The following NNT variants were observed in gnomAD, a reference collection of about 807,000 sequenced individuals.
NNT encodes the protein NAD(P) transhydrogenase, mitochondrial.
NNT carries 50 observed loss-of-function variants against 104.8 expected under a neutral mutation model. The observed-to-expected ratio is 0.48, with a 90% CI of 0.38 to 0.60. The LOEUF (loss-of-function observed/expected upper bound fraction) is 0.60, where lower values mean the gene tolerates loss of function less well. NNT is among the 20% of genes least tolerant of loss of function. NNT has a pLI of 0.00. For missense variants in NNT, 1,131 were observed against 1,330.7 expected (o/e 0.85, Z 2.33); for synonymous variants, 461 against 490.4 (o/e 0.94, Z 0.79).
intron 14 of NNT, among the ~76,000 whole-genome samples, chr5:43,654,523 G>T (rs538121562): frequency 3.3e-5 from 5 of 152,136 alleles, no homozygotes; most frequent in Non-Finnish European, 7.4e-5. Context: ...TTTTACTTTC[G>T]TCTTACTTAT....
chr5:43,618,382 A>C (rs1749894417), intron 4 of NNT, among the ~76,000 whole-genome samples: 1 of 152,230 alleles, frequency 6.6e-6, no homozygotes, highest in Non-Finnish European at 1.5e-5. Context: ...AACTAAGGTC[A>C]GTATATCGGA....
intron 14 of NNT, among the ~76,000 whole-genome samples, 194 bp from the exon 15 acceptor site, chr5:43,655,646 A>T (rs1212475459): frequency 6.6e-6 from 1 of 152,214 alleles, no homozygotes; most frequent in Non-Finnish European, 1.5e-5. Flanking sequence ...AGCATATCAG[A>T]TAAGGGATAC....
rs781575858 is a variant in NNT at position 43,653,023 on chromosome 5, G to A, written c.1869G>A (p.Met623Ile). The change falls in exon 14 of 22, where the codon ATG becomes ATA. Residue 623 changes from methionine to isoleucine, a missense_variant. Coordinates refer to ENST00000344920, the MANE Select transcript of NNT (RefSeq NM_182977.3). ...CTCACTTTTCCTTTGAAAAGATCATGTACCTAGGCTCGGGTTTGTGCTGTG... is the reference window on the plus strand; with the variant it reads ...CTCACTTTTCCTTTGAAAAGATCATATACCTAGGCTCGGGTTTGTGCTGTG... ...LYSGYNIEQI[M>I]YLGSGLCCVG... The A allele has an allele frequency of 6.2e-7, 1 of 1,610,848 alleles. No individual in the cohort carries two copies. Among genetic ancestry groups the A allele is most frequent in the East Asian group, 2.2e-5 (1 of 44,840 alleles).
In NNT at chr5:43,609,202, A is replaced by C. The variant is rs1749374098; in HGVS notation, c.7A>C (p.Asn3His). The C allele has an allele frequency of 6.2e-7, 1 of 1,613,222 alleles. No individual in the cohort carries two copies. The highest frequency in any genetic ancestry group is 1.3e-5 in the African/African-American group (1 of 75,034). The part of the protein sequence containing the change: MA[N>H]LLKTVVTGCS... ...ATTGGGAACTCATATCAACATGGCAAACCTATTGAAAACAGTGGTGACTGG... is the reference window on the plus strand; with the variant it reads ...ATTGGGAACTCATATCAACATGGCACACCTATTGAAAACAGTGGTGACTGG... The change falls in exon 2 of 22, where the codon AAC becomes CAC. Residue 3 changes from asparagine to histidine, a missense_variant. Transcript: ENST00000344920.
chr5:43,673,549 A>G (rs538582894), intron 17 of NNT, among the ~76,000 whole-genome samples: 3 of 152,340 alleles, frequency 2.0e-5, no homozygotes, highest in South Asian at 4.1e-4. Flanking sequence ...TTTGATAACA[A>G]TTTCAGAACT....
intron 20 of NNT, 144 bp downstream of exon 20, chr5:43,700,381 TA>T: frequency 1.7e-6 from 1 of 572,410 alleles, no homozygotes; most frequent in Non-Finnish European, 3.1e-6. Flanking sequence ...AAGTTGAAAT[TA>T]AATAAGTGAA....
intron 2 of NNT, 134 bp from the exon 3 acceptor site, chr5:43,612,774 T>G: frequency 1.6e-6 from 1 of 624,522 alleles, no homozygotes; most frequent in Admixed American, 3.0e-5. Flanking sequence ...AACATCATTC[T>G]GAACAGCAGC....
chr5:43,612,720 T>G (rs1749561399), intron 2 of NNT, among the ~76,000 whole-genome samples, 188 bp from the exon 3 acceptor site: 1 of 152,214 alleles, frequency 6.6e-6, no homozygotes, highest in African/African-American at 2.4e-5. Flanking sequence ...AAAAGTTTCT[T>G]ATAATCTACC....
At chr5:43,607,995 A>C (rs1159612397) in intron 1 of NNT, among the ~76,000 whole-genome samples, 1 of 151,890 alleles carries the variant, frequency 6.6e-6, no homozygotes, top group Admixed American at 6.6e-5. Flanking sequence ...CAGTGGTGCA[A>C]TCTTGGCTCA....
chr5:43,645,556 G>T (rs769785871), intron 10 of NNT, 46 bp downstream of exon 10: 1 of 1,292,088 alleles, frequency 7.7e-7, no homozygotes, highest in Non-Finnish European at 1.0e-6. Flanking sequence ...GTTTGATTTT[G>T]CAAGTTATAT....
intron 1 of NNT, 44 bp from the exon 2 acceptor site, chr5:43,609,094 AAATAG>A (rs1352573865): frequency 1.2e-6 from 1 of 858,372 alleles, no homozygotes. Context: ...TTTAAAAGAC[AAATAG>A]TTTTTTTCTT....
Position 43,675,437 on chromosome 5 carries a change from T to A in NNT, c.2635-74T>A, listed in dbSNP as rs1741359370. 3.2e-6 allele frequency: 4 copies of A among 1,266,680 alleles called. No homozygotes were observed. The South Asian group carries it at 5.1e-5, about 16-fold the overall frequency. The allele number at this position is 1,266,680 out of a possible 1,614,324, so 78.5% of individuals were successfully genotyped here. A position where few individuals can be genotyped will look rare whatever the true frequency, so the allele number is the denominator to read the frequency against. On this transcript the variant is annotated intron_variant, in intron 17 of 21. Transcript: ENST00000344920. ...CCTTTTAAAATGATTCCAAATATCA[T>A]ATACACAACATTTGTACTATTCTCA...
intron 17 of NNT, among the ~76,000 whole-genome samples, chr5:43,660,886 G>C (rs1403647397): frequency 6.6e-6 from 1 of 152,154 alleles, no homozygotes; most frequent in African/African-American, 2.4e-5. Context: ...TGAGATTTGG[G>C]TAGGGACTCA....
At chr5:43,635,734 T>G (rs1750897774) in intron 7 of NNT, among the ~76,000 whole-genome samples, 1 of 152,152 alleles carries the variant, frequency 6.6e-6, no homozygotes, top group Non-Finnish European at 1.5e-5. Flanking sequence ...TGTGCATTCC[T>G]TGTTTCTCTT....
At chr5:43,618,131 C>T (rs749669005) in intron 4 of NNT, among the ~76,000 whole-genome samples, 1 of 152,210 alleles carries the variant, frequency 6.6e-6, no homozygotes, top group Non-Finnish European at 1.5e-5. Flanking sequence ...AAAGATGATG[C>T]ATATTATTTG....
chr5:43,666,114 C>A (rs1054369098), intron 17 of NNT, among the ~76,000 whole-genome samples: 3 of 149,966 alleles, frequency 2.0e-5, no homozygotes, highest in Non-Finnish European at 4.4e-5. Context: ...CCGGACTGGG[C>A]GGCCGGGCAG....
At chr5:43,665,219 T>TTATTA (rs1168907596) in intron 17 of NNT, among the ~76,000 whole-genome samples, 342 of 116,828 alleles carry the variant, frequency 2.9e-3, no homozygotes, top group African/African-American at 0.013. Context: ...TATTTATTTA[T>TTATTA]TTATTATTAT....
intron 1 of NNT, 28 bp from the exon 2 acceptor site, chr5:43,609,115 A>T: frequency 9.0e-7 from 1 of 1,108,018 alleles, no homozygotes; most frequent in Admixed American, 2.1e-5. Flanking sequence ...TTCTTGGCAT[A>T]TATACATCCT....
At position 43,706,212 on chromosome 5, in the gene NNT, T is replaced by C. The variant is rs1743090479; in HGVS notation, c.*1808T>C. 6.6e-6 allele frequency: 1 copy of C among 151,672 alleles called. No individual in the cohort carries two copies. The highest frequency in any genetic ancestry group is 2.1e-4 in the South Asian group (1 of 4,826). 9.4% of individuals were successfully genotyped at this position (151,672 alleles called of 1,614,324 possible). ...TATTTTACTTTATTGGTTAGGATAT[T>C]TAAAGGATTTTTGTATATATAATTT... On this transcript the variant is annotated 3_prime_UTR_variant, in exon 22 of 22. Coordinates refer to ENST00000344920, the MANE Select transcript of NNT (RefSeq NM_182977.3).
Sources: allele counts gnomAD v4.1 joint callset (sites outside exome capture counted in the v4.1 genomes callset), GRCh38; gene constraint gnomAD v4.1.1; transcripts MANE v1.5; gene names NCBI Gene and HGNC (gene_info 2026-07-23, HGNC 2026-07-21).